PRELID2: variants seen among roughly 807,000 people sequenced by gnomAD.
PRELID2 encodes PRELI domain-containing protein 2.
A neutral mutation model predicts 28.4 loss-of-function variants in PRELID2; 25 were observed. The ratio of observed to expected loss-of-function variants is 0.88; its 90% CI spans 0.64 to 1.23. The LOEUF (loss-of-function observed/expected upper bound fraction) is 1.23. Ranked by LOEUF, PRELID2 falls within the 50% of genes most tolerant of loss-of-function variation. The pLI is 0.00. For synonymous variants in PRELID2, 76 were observed against 71.6 expected, an observed-to-expected ratio of 1.06 and a Z score of -0.31; for missense variants, 201 against 214.4, an observed-to-expected ratio of 0.94 and a Z score of 0.39.
chr5:145,740,633 A>G (rs1756656262), intron 1 of PRELID2, among the ~76,000 whole-genome samples: 1 of 114,752 alleles, frequency 8.7e-6, no homozygotes, highest in South Asian at 2.5e-4. Context: ...TATATTATAT[A>G]TATAAATATA....
chr5:145,241,025 G>C, the PRELID2 span, among the ~76,000 whole-genome samples: 1 of 151,858 alleles, frequency 6.6e-6, no homozygotes, highest in Non-Finnish European at 1.5e-5. Flanking sequence ...TCCTCATCTG[G>C]AATATGATAT....
At chr5:145,624,578 A>C (rs1753818196) in intron 1 of PRELID2, among the ~76,000 whole-genome samples, 1 of 152,228 alleles carries the variant, frequency 6.6e-6, no homozygotes, top group South Asian at 2.1e-4. Context: ...TTCTTATCCC[A>C]TACACAAAAA....
At chr5:145,361,402 C>T in the PRELID2 span, among the ~76,000 whole-genome samples, 4 of 152,228 alleles carry the variant, frequency 2.6e-5, no homozygotes, top group East Asian at 1.9e-4. Context: ...TGATGCTCCC[C>T]GAAAGATGCC....
chr5:145,481,439 C>T (rs1263748975), intron 1 of PRELID2, among the ~76,000 whole-genome samples: 1 of 151,480 alleles, frequency 6.6e-6, no homozygotes, highest in East Asian at 1.9e-4. Flanking sequence ...TAGAAAAGGT[C>T]TTCAATTTTT....
chr5:145,359,717 C>A, the PRELID2 span, among the ~76,000 whole-genome samples: 2 of 152,154 alleles, frequency 1.3e-5, no homozygotes, highest in African/African-American at 2.4e-5. Flanking sequence ...TGTTTAAAGA[C>A]TATTATCAGA....
chr5:145,768,925 T>C (rs1166959255), intron 5 of PRELID2, among the ~76,000 whole-genome samples: 2 of 149,240 alleles, frequency 1.3e-5, no homozygotes, highest in African/African-American at 5.0e-5. Context: ...GCCTATAAAA[T>C]AAACAAAAAA....
intron 1 of PRELID2, among the ~76,000 whole-genome samples, chr5:145,602,263 A>T (rs1753409053): frequency 6.6e-6 from 1 of 152,234 alleles, no homozygotes; most frequent in African/African-American, 2.4e-5. Flanking sequence ...GACAGATAGC[A>T]CATAGGGACC....
intron 1 of PRELID2, among the ~76,000 whole-genome samples, chr5:145,559,316 G>T (rs1337823623): frequency 2.0e-5 from 3 of 151,146 alleles, no homozygotes; most frequent in East Asian, 1.9e-4. Flanking sequence ...AAAGAGAAAT[G>T]ATTTTATAAA....
At chr5:145,272,849 A>T in the PRELID2 span, among the ~76,000 whole-genome samples, 1 of 152,174 alleles carries the variant, frequency 6.6e-6, no homozygotes, top group African/African-American at 2.4e-5. Flanking sequence ...CTTACTCGTT[A>T]TGGGCTAAGA....
chr5:145,356,154 A>C, the PRELID2 span, among the ~76,000 whole-genome samples: 1 of 152,240 alleles, frequency 6.6e-6, no homozygotes, highest in African/African-American at 2.4e-5. Flanking sequence ...AGAAATACTT[A>C]TGTGATTTAA....
At chr5:145,562,007 T>C (rs1166997267) in intron 1 of PRELID2, among the ~76,000 whole-genome samples, 2 of 152,224 alleles carry the variant, frequency 1.3e-5, no homozygotes, top group Non-Finnish European at 2.9e-5. Flanking sequence ...ATAGTGGTGA[T>C]GGTTGTTTAA....
At chr5:145,407,537 A>T in the PRELID2 span, among the ~76,000 whole-genome samples, 1 of 152,142 alleles carries the variant, frequency 6.6e-6, no homozygotes, top group African/African-American at 2.4e-5. Flanking sequence ...CTGGTAGCTG[A>T]ATACAAAAGA....
intron 1 of PRELID2, among the ~76,000 whole-genome samples, chr5:145,650,653 A>G (rs1226386515): frequency 6.6e-6 from 1 of 150,452 alleles, no homozygotes; most frequent in African/African-American, 2.4e-5. Context: ...CAAACAGAAA[A>G]AAAAAGTAAT....
chr5:145,368,964 A>T, the PRELID2 span, among the ~76,000 whole-genome samples: 2 of 151,450 alleles, frequency 1.3e-5, no homozygotes, highest in African/African-American at 4.9e-5. Flanking sequence ...CTCCCTCTTC[A>T]CACCCTCAAC....
At chr5:145,358,635 G>A in the PRELID2 span, among the ~76,000 whole-genome samples, 2 of 152,070 alleles carry the variant, frequency 1.3e-5, no homozygotes, top group African/African-American at 4.8e-5. Context: ...GAAGAAAAAG[G>A]TCATCTCTTT....
intron 1 of PRELID2, among the ~76,000 whole-genome samples, chr5:145,481,284 T>A (rs1186114419): frequency 2.6e-5 from 4 of 152,004 alleles, no homozygotes; most frequent in Admixed American, 1.3e-4. Flanking sequence ...TTTTCCTACC[T>A]TTTTTCTTTT....
At chr5:145,403,506 G>A in the PRELID2 span, among the ~76,000 whole-genome samples, 14 of 152,178 alleles carry the variant, frequency 9.2e-5, no homozygotes, top group Non-Finnish European at 2.9e-5. Flanking sequence ...TCCCCATGCT[G>A]GCCCTATCCC....
the PRELID2 span, among the ~76,000 whole-genome samples, chr5:145,342,187 T>A: frequency 6.6e-6 from 1 of 152,288 alleles, no homozygotes; most frequent in South Asian, 2.1e-4. Context: ...GAAGAAATAG[T>A]CTTTCCAAGA....
chr5:145,339,607 C>T, the PRELID2 span, among the ~76,000 whole-genome samples: 8 of 152,148 alleles, frequency 5.3e-5, no homozygotes, highest in Non-Finnish European at 8.8e-5. Flanking sequence ...CCTTGGACGA[C>T]GTTGTTGCTG....
Sources: gnomAD v4.1 joint callset for allele counts (sites outside exome capture counted in the v4.1 genomes callset) on GRCh38, gnomAD v4.1.1 for gene constraint, MANE v1.5 for transcripts, NCBI Gene and HGNC (gene_info 2026-07-23, HGNC 2026-07-21) for gene names.